Variants in CNTNAP2 observed in about 807,000 individuals in gnomAD.
The protein encoded by CNTNAP2 is contactin-associated protein-like 2.
CNTNAP2 carries 98 observed loss-of-function variants against 155.2 expected under a neutral mutation model. The observed-to-expected ratio is 0.63, with a 90% CI of 0.54 to 0.75. The LOEUF (loss-of-function observed/expected upper bound fraction) is 0.75. Ranked by LOEUF, CNTNAP2 falls within the 30% of genes least tolerant of loss-of-function variation. The pLI is 0.00. For synonymous variants in CNTNAP2, 651 were observed against 631.2 expected, an observed-to-expected ratio of 1.03 and a Z score of -0.47; for missense variants, 1,727 against 1,688.1, an observed-to-expected ratio of 1.02 and a Z score of -0.40.
At chr7:147,633,757 C>A (rs148786087) in intron 12 of CNTNAP2, among the ~76,000 whole-genome samples, 2,308 of 152,190 alleles carry the variant, frequency 0.015, 215 homozygotes, top group Admixed American at 0.14. Context: ...TTCTCTCTCC[C>A]GCCACCCTGT....
chr7:147,912,771 C>A (rs1271258396), intron 14 of CNTNAP2, among the ~76,000 whole-genome samples: 1 of 152,178 alleles, frequency 6.6e-6, no homozygotes, highest in South Asian at 2.1e-4. Context: ...AGTTCTTCTT[C>A]ATCCCAAGCC....
chr7:147,604,293 A>G (rs1279105017), intron 12 of CNTNAP2, among the ~76,000 whole-genome samples: 4 of 151,936 alleles, frequency 2.6e-5, no homozygotes, highest in Non-Finnish European at 5.9e-5. Context: ...GGCAACCTAC[A>G]AAATGGGAGA....
chr7:148,254,510 C>T (rs1419398548), intron 20 of CNTNAP2, among the ~76,000 whole-genome samples: 1 of 152,154 alleles, frequency 6.6e-6, no homozygotes, highest in African/African-American at 2.4e-5. Context: ...TGCACGTTGG[C>T]TCATACCTAT....
chr7:147,618,700 AG>A (rs879579643), intron 12 of CNTNAP2, among the ~76,000 whole-genome samples: 3,833 of 133,744 alleles, frequency 0.029, 165 homozygotes, highest in African/African-American at 0.12. Context: ...ATATAATAAC[AG>A]CTATTATACA....
chr7:147,480,894 C>T (rs961113923), intron 10 of CNTNAP2, among the ~76,000 whole-genome samples: 8 of 152,260 alleles, frequency 5.3e-5, no homozygotes, highest in Admixed American at 3.3e-4. Context: ...CAATCCTGAC[C>T]GCAAGAATCA....
chr7:146,386,009 A>C lies in CNTNAP2; in HGVS notation c.97+269036A>C, dbSNP rs1795454823. ...ATAGTACTAAAACAGGCTTATAATG[A>C]AAAATAGCAGATTACTGGCCTCATT... is the stretch of plus-strand genomic sequence containing the variant. On this transcript the variant is annotated intron_variant, in intron 1 of 23. Coordinates refer to ENST00000361727, the MANE Select transcript of CNTNAP2 (RefSeq NM_014141.6). 2.0e-5 allele frequency among the ~76,000 whole-genome samples: 3 copies of C among 152,182 alleles called. No individual in the cohort carries two copies. The South Asian group carries it at 6.2e-4, about 31-fold the overall frequency.
intron 1 of CNTNAP2, among the ~76,000 whole-genome samples, chr7:146,288,710 G>T (rs1217246680): frequency 6.8e-6 from 1 of 148,006 alleles, no homozygotes; most frequent in East Asian, 2.0e-4. Flanking sequence ...AATTACTACT[G>T]TATTTTACAG....
intron 1 of CNTNAP2, among the ~76,000 whole-genome samples, chr7:146,257,869 C>A (rs1166658121): frequency 1.3e-5 from 2 of 150,898 alleles, no homozygotes; most frequent in Non-Finnish European, 2.9e-5. Context: ...TGCAATTGAG[C>A]CGCTTTGATT....
intron 12 of CNTNAP2, among the ~76,000 whole-genome samples, chr7:147,602,797 T>A (rs1334873740): frequency 6.6e-6 from 1 of 152,094 alleles, no homozygotes. Context: ...ATTTCATCCA[T>A]GCCCCTACAA....
At chr7:146,229,210 G>C (rs1021586364) in intron 1 of CNTNAP2, among the ~76,000 whole-genome samples, 1 of 152,074 alleles carries the variant, frequency 6.6e-6, no homozygotes, top group African/African-American at 2.4e-5. Flanking sequence ...ATAAAAAGTT[G>C]GGGTATAAAA....
At chr7:147,820,830 G>A (rs974027282) in intron 13 of CNTNAP2, among the ~76,000 whole-genome samples, 2 of 151,924 alleles carry the variant, frequency 1.3e-5, no homozygotes, top group African/African-American at 4.8e-5. Flanking sequence ...TATAGCTGTG[G>A]GTTATTTCTA....
intron 17 of CNTNAP2, among the ~76,000 whole-genome samples, chr7:148,165,992 T>C (rs950094382): frequency 2.0e-5 from 3 of 152,044 alleles, no homozygotes; most frequent in Non-Finnish European, 4.4e-5. Context: ...TGGTACCCCC[T>C]TACCTTTTTC....
chr7:146,903,079 C>T (rs1226689172), intron 3 of CNTNAP2, among the ~76,000 whole-genome samples: 1 of 152,152 alleles, frequency 6.6e-6, no homozygotes, highest in African/African-American at 2.4e-5. Context: ...ATCAACTTCA[C>T]GTTGGGGCAA....
intron 1 of CNTNAP2, among the ~76,000 whole-genome samples, chr7:146,498,962 T>C (rs1421993362): frequency 1.3e-5 from 2 of 152,210 alleles, no homozygotes; most frequent in African/African-American, 2.4e-5. Flanking sequence ...TTTTTAAAAG[T>C]ACACATAGCA....
intron 12 of CNTNAP2, among the ~76,000 whole-genome samples, chr7:147,571,184 T>C (rs928823936): frequency 5.9e-5 from 9 of 151,676 alleles, no homozygotes; most frequent in Non-Finnish European, 1.2e-4. Context: ...GTTAGTTACA[T>C]ATGTATACAT....
chr7:147,601,888 C>T (rs777602366), intron 12 of CNTNAP2, among the ~76,000 whole-genome samples: 9 of 151,890 alleles, frequency 5.9e-5, no homozygotes, highest in Non-Finnish European at 1.3e-4. Flanking sequence ...CTCTGTTTCT[C>T]TTCCCCCTAT....
At chr7:146,461,627 T>G (rs73462744) in intron 1 of CNTNAP2, among the ~76,000 whole-genome samples, 3,674 of 152,296 alleles carry the variant, frequency 0.024, 102 homozygotes, top group African/African-American at 0.065. Flanking sequence ...AGGTGAATTG[T>G]CTGAATTCAA....
chr7:146,861,517 A>T (rs60908923), intron 3 of CNTNAP2, among the ~76,000 whole-genome samples: 5,534 of 152,208 alleles, frequency 0.036, 325 homozygotes, highest in African/African-American at 0.12. Context: ...ATTTCTATTA[A>T]TCTGACACTT....
At chr7:146,687,082 G>A (rs761368573) in intron 1 of CNTNAP2, among the ~76,000 whole-genome samples, 9 of 152,216 alleles carry the variant, frequency 5.9e-5, no homozygotes, top group East Asian at 3.9e-4. Flanking sequence ...TTGTGTCATT[G>A]AATCATAGTT....
Sources: allele counts gnomAD v4.1 joint callset (sites outside exome capture counted in the v4.1 genomes callset), GRCh38; gene constraint gnomAD v4.1.1; transcripts MANE v1.5; gene names NCBI Gene and HGNC (gene_info 2026-07-23, HGNC 2026-07-21).